The following STK32B variants were observed in gnomAD, a reference collection of about 807,000 sequenced individuals.
STK32B encodes the protein serine/threonine kinase 32B.
A neutral mutation model predicts 52.6 loss-of-function variants in STK32B; 43 were observed. The observed-to-expected ratio is 0.82, with a 90% CI of 0.64 to 1.05. The LOEUF (loss-of-function observed/expected upper bound fraction) is 1.05. Among genes scored for constraint, STK32B ranks in the 50% least tolerant of loss-of-function variants. The pLI is 0.00. For missense variants in STK32B, 621 were observed against 534.6 expected (o/e 1.16, Z -1.59); for synonymous variants, 238 against 204.3 (o/e 1.17, Z -1.41).
At chr4:5,315,951 T>A (rs1330343345) in intron 3 of STK32B, among the ~76,000 whole-genome samples, 1 of 150,738 alleles carries the variant, frequency 6.6e-6, no homozygotes, top group African/African-American at 2.4e-5. Flanking sequence ...GTGATCTGCC[T>A]GCCTCGGCCT....
Position 5,421,598 on chromosome 4 carries a change from AG to A in STK32B, c.562+4665del, listed in dbSNP as rs1368397590. ...GCACCATGCCTAACAGACTCACTCG[AG>A]CCTCCTCAAAGGCTCTACTGGGGCT... On this transcript the variant is annotated intron_variant, in intron 6 of 11. Coordinates refer to ENST00000282908, the MANE Select transcript of STK32B (RefSeq NM_018401.3). Among the ~76,000 whole-genome samples, 5 of 152,156 alleles carry A rather than the reference AG, an allele frequency of 3.3e-5. No individual in the cohort carries two copies. In the East Asian group the frequency reaches 7.7e-4, roughly 24 times the overall value.
At chr4:5,473,477 C>G (rs114384421) in intron 11 of STK32B, among the ~76,000 whole-genome samples, 155 of 152,274 alleles carry the variant, frequency 1.0e-3, no homozygotes, top group Non-Finnish European at 1.8e-3. Context: ...TTATTCCCCC[C>G]CATTTCACAG....
intron 3 of STK32B, among the ~76,000 whole-genome samples, chr4:5,317,644 G>C (rs188169686): frequency 1.4e-3 from 210 of 147,904 alleles, no homozygotes; most frequent in African/African-American, 5.0e-3. Context: ...ACCAGGCCCT[G>C]AGTGGATGCT....
intron 3 of STK32B, among the ~76,000 whole-genome samples, chr4:5,291,577 C>CA (rs1478627791): frequency 6.6e-6 from 1 of 152,108 alleles, no homozygotes; most frequent in Non-Finnish European, 1.5e-5. Flanking sequence ...GAATTACACG[C>CA]AAATCAAGTA....
rs532828957 is a variant in STK32B, at chr4:5,228,972, GA to G, written c.260+60531del. On this transcript the variant is annotated intron_variant, in intron 3 of 11. Coordinates refer to ENST00000282908, the MANE Select transcript of STK32B (RefSeq NM_018401.3). ...ACAAGTGCGAAACTCCGTCTCAAAAGAAAAAAAAAGTTATGTTTATACTCTA... is the reference window on the plus strand; with the variant it reads ...ACAAGTGCGAAACTCCGTCTCAAAAGAAAAAAAAGTTATGTTTATACTCTA... 5.9e-3 allele frequency among the ~76,000 whole-genome samples: 883 copies of G among 150,316 alleles called. 5 individuals are homozygous for G. Among genetic ancestry groups the G allele is most frequent in the African/African-American group, 0.02 (812 of 41,040 alleles).
At chr4:5,177,919 T>C (rs76311346) in intron 3 of STK32B, among the ~76,000 whole-genome samples, 28,585 of 152,238 alleles carry the variant, frequency 0.19, 3,384 homozygotes, top group East Asian at 0.31. Context: ...TTCCCAGCTG[T>C]TTTCACAGGC....
At position 5,446,646 on chromosome 4, in the gene STK32B, A is replaced by G. The variant is rs747748942; in HGVS notation, c.563-27A>G. On this transcript the variant is annotated intron_variant, in intron 6 of 11. Transcript: ENST00000282908. ...TGGCCATAAACTGGGATACACAATG[A>G]TGTTCTCCTTGTCCTCTCGTTGGCA... 4 of 1,605,170 alleles carry G rather than the reference A, an allele frequency of 2.5e-6. No individual in the cohort carries two copies. In the South Asian group the frequency reaches 3.3e-5, roughly 13 times the overall value.
At chr4:5,250,047 G>A (rs1029900634) in intron 3 of STK32B, among the ~76,000 whole-genome samples, 1 of 152,126 alleles carries the variant, frequency 6.6e-6, no homozygotes, top group African/African-American at 2.4e-5. Flanking sequence ...TTAGGGGAAT[G>A]ACCTCCAGTT....
intron 6 of STK32B, among the ~76,000 whole-genome samples, chr4:5,424,111 C>G (rs995805669): frequency 2.6e-5 from 4 of 152,138 alleles, no homozygotes; most frequent in African/African-American, 7.2e-5. Flanking sequence ...TGGGTACATA[C>G]CAGCCAGGTA....
chr4:5,123,990 T>G (rs1387829148), intron 1 of STK32B, among the ~76,000 whole-genome samples: 2 of 152,122 alleles, frequency 1.3e-5, no homozygotes. Context: ...GTGATCTCAT[T>G]TACTTTTCAC....
At chr4:5,111,167 A>T (rs556981923) in intron 1 of STK32B, among the ~76,000 whole-genome samples, 1 of 152,196 alleles carries the variant, frequency 6.6e-6, no homozygotes, top group Non-Finnish European at 1.5e-5. Flanking sequence ...GTTGATGGGA[A>T]TTCAAATTAG....
chr4:5,491,270 C>A (rs1435560764), intron 11 of STK32B, among the ~76,000 whole-genome samples: 11 of 152,190 alleles, frequency 7.2e-5, no homozygotes, highest in Non-Finnish European at 1.6e-4. Flanking sequence ...GCCATTCTAA[C>A]TAACTGGTGT....
chr4:5,095,007 C>G (rs1713305516), intron 1 of STK32B, among the ~76,000 whole-genome samples: 1 of 152,202 alleles, frequency 6.6e-6, no homozygotes, highest in Admixed American at 6.5e-5. Flanking sequence ...GCGGCTCTTC[C>G]TTGAAGAGCT....
In STK32B at chr4:5,399,429, T is replaced by G. The variant is rs774450822; in HGVS notation, c.472+1185T>G. On this transcript the variant is annotated intron_variant, in intron 5 of 11. Coordinates refer to ENST00000282908, the MANE Select transcript of STK32B (RefSeq NM_018401.3). The surrounding 1 kb of genome is among the most constrained non-coding windows in gnomAD (Gnocchi z 5.4). ...TAGTGTGCATCCCTATGTACAGGAG[T>G]GGTGGATGGGACCATTTGCATCTCT... Among the ~76,000 whole-genome samples the G allele has an allele frequency of 6.6e-6, 1 of 151,698 alleles. No individual in the cohort carries two copies. Among genetic ancestry groups the G allele is most frequent in the Non-Finnish European group, 1.5e-5 (1 of 67,936 alleles).
intron 6 of STK32B, among the ~76,000 whole-genome samples, chr4:5,426,480 A>T (rs1013580333): frequency 2.6e-5 from 4 of 152,024 alleles, no homozygotes; most frequent in African/African-American, 9.7e-5. Flanking sequence ...TGAGTCAGGT[A>T]GGTCACTTGA....
At chr4:5,137,752 G>A (rs1021031952) in intron 1 of STK32B, among the ~76,000 whole-genome samples, 2 of 152,188 alleles carry the variant, frequency 1.3e-5, no homozygotes, top group Non-Finnish European at 2.9e-5. Flanking sequence ...AAGGTTCAGA[G>A]TTAACTCTAA....
chr4:5,048,296 A>ATTT (rs934389483), upstream of STK32B, among the ~76,000 whole-genome samples: 23 of 111,852 alleles, frequency 2.1e-4, no homozygotes, highest in African/African-American at 5.3e-4. Context: ...TGCCTGGCTA[A>ATTT]TTTTTTTTTT....
At chr4:5,294,708 T>C (rs1483772007) in intron 3 of STK32B, among the ~76,000 whole-genome samples, 2 of 152,184 alleles carry the variant, frequency 1.3e-5, no homozygotes, top group African/African-American at 4.8e-5. Flanking sequence ...TACAATCATG[T>C]CATCTGCAAA....
intron 2 of STK32B, among the ~76,000 whole-genome samples, chr4:5,142,445 T>C (rs748783455): frequency 2.0e-5 from 3 of 152,222 alleles, no homozygotes; most frequent in Non-Finnish European, 4.4e-5. Flanking sequence ...TTCTACACAA[T>C]CCAGACTTCA....
Sources: allele counts gnomAD v4.1 joint callset (sites outside exome capture counted in the v4.1 genomes callset), GRCh38; gene constraint gnomAD v4.1.1; non-coding constraint Gnocchi (gnomAD v3.1); transcripts MANE v1.5; gene names NCBI Gene and HGNC (gene_info 2026-07-23, HGNC 2026-07-21).